The following SNX5 variants were observed in gnomAD, a reference collection of about 807,000 sequenced individuals.
SNX5 encodes the protein sorting nexin 5, also known as sorting nexin-5.
SNX5 carries 31 observed loss-of-function variants against 53.9 expected under a neutral mutation model. The observed-to-expected ratio is 0.58, with a 90% CI of 0.43 to 0.78. The LOEUF (loss-of-function observed/expected upper bound fraction) is 0.78, where lower values mean the gene tolerates loss of function less well. SNX5 is among the 30% of genes least tolerant of loss of function. The probability of loss-of-function intolerance (pLI) is 0.00; values close to 1 mark genes in which losing one functional copy is unlikely to be tolerated. For synonymous variants in SNX5, 168 were observed against 171.1 expected, an observed-to-expected ratio of 0.98 and a Z score of 0.14; for missense variants, 471 against 478.8, an observed-to-expected ratio of 0.98 and a Z score of 0.15.
chr20:17,944,275 G>C (rs1248014654), intron 11 of SNX5: 1 of 152,046 alleles, frequency 6.6e-6, no homozygotes. Context: ...GCACAACAGG[G>C]TGACTACAGT....
chr20:17,967,170 T>C (rs528430878), intron 1 of SNX5, among the ~76,000 whole-genome samples: 2 of 152,260 alleles, frequency 1.3e-5, no homozygotes, highest in African/African-American at 4.8e-5. Flanking sequence ...TCCTTTTACC[T>C]AGCTGACTCC....
chr20:17,962,171 C>A, intron 1 of SNX5: 1 of 163,674 alleles, frequency 6.1e-6, no homozygotes, highest in Non-Finnish European at 1.3e-5. Context: ...ACTGGTTCAA[C>A]TAACTATAAG....
Position 17,955,445 on chromosome 20 carries a change from ACT to A in SNX5, c.185_186del (p.Glu62ValfsTer8), listed in dbSNP as rs2035336935. Reference protein sequence around the residue: ...KTTLPTFQSPEFSVTRQHEDF... With the variant: ...KTTLPTFQSPXFSVTRQHEDF... ...TCTTCATGTTGCCTTGTAACAGAAA[ACT>A]CTGGGCTCTGAAACGTGGGCAGTGT... On this transcript the variant is annotated frameshift_variant, in exon 3 of 13. Coordinates refer to ENST00000377759, the MANE Select transcript of SNX5 (RefSeq NM_014426.4). LOFTEE classifies it high-confidence loss of function. The A allele has an allele frequency of 6.2e-7, 1 of 1,613,940 alleles. No individual in the cohort carries two copies. Among genetic ancestry groups the A allele is most frequent in the Admixed American group, 1.7e-5 (1 of 59,992 alleles).
chr20:17,967,555 A>G (rs1224586355), intron 1 of SNX5: 1 of 152,302 alleles, frequency 6.6e-6, no homozygotes, highest in Admixed American at 6.5e-5. Flanking sequence ...AGAGCCTTGT[A>G]TTTTTAGAGG....
At chr20:17,966,967 A>T (rs2035548570) in intron 1 of SNX5, among the ~76,000 whole-genome samples, 1 of 152,230 alleles carries the variant, frequency 6.6e-6, no homozygotes, top group Admixed American at 6.5e-5. Flanking sequence ...TATTCCTGTA[A>T]TGTAAAAAGG....
At chr20:17,954,224 C>T in intron 3 of SNX5, 107 bp from the exon 4 acceptor site, 1 of 1,510,132 alleles carries the variant, frequency 6.6e-7, no homozygotes. Context: ...CACTCCACTC[C>T]TGTGGGGCTA....
rs1398357545 is a variant in SNX5 at position 17,966,242 on chromosome 20, G to A, written c.51+2133C>T. 2.6e-5 allele frequency among the ~76,000 whole-genome samples: 4 copies of A among 152,176 alleles called. No individual in the cohort carries two copies. In the East Asian group the frequency reaches 7.7e-4, roughly 29 times the overall value. ...CTCCACAAAAATACAAAAATTAGCCGGGCATGGCGGTGAGCGACTGTAATC... is the reference window on the plus strand; with the variant it reads ...CTCCACAAAAATACAAAAATTAGCCAGGCATGGCGGTGAGCGACTGTAATC... On this transcript the variant is annotated intron_variant, in intron 1 of 12. Coordinates refer to ENST00000377759, the MANE Select transcript of SNX5 (RefSeq NM_014426.4).
At chr20:17,942,532 T>C (rs946833062) in intron 12 of SNX5, 125 bp from the exon 13 acceptor site, 1 of 736,860 alleles carries the variant, frequency 1.4e-6, no homozygotes, top group Non-Finnish European at 2.5e-6. Flanking sequence ...AAGCTGGCCC[T>C]TCTCTTCATC....
chr20:17,964,528 C>A (rs2035507343), intron 1 of SNX5, among the ~76,000 whole-genome samples: 1 of 151,960 alleles, frequency 6.6e-6, no homozygotes, highest in Non-Finnish European at 1.5e-5. Context: ...GAGATCTTGT[C>A]AGAGTACCTC....
In SNX5 at chr20:17,968,518, G is replaced by C. The variant is rs544225493; in HGVS notation, c.-93C>G. 8.5e-7 allele frequency: 1 copy of C among 1,180,350 alleles called. No homozygotes were observed. The highest frequency in any genetic ancestry group is 1.6e-5 in the African/African-American group (1 of 62,334). 73.1% of individuals were successfully genotyped at this position (1,180,350 alleles called of 1,614,324 possible). ...CGCCGCCTGGGCGCCTCTCGGGGGC[G>C]GCCACGGCCCCGCCTCCGCCGGCCT... On this transcript the variant is annotated 5_prime_UTR_variant, in exon 1 of 13. Coordinates refer to ENST00000377759, the MANE Select transcript of SNX5 (RefSeq NM_014426.4).
chr20:17,953,703 T>C (rs2035305182), intron 4 of SNX5, among the ~76,000 whole-genome samples: 1 of 152,218 alleles, frequency 6.6e-6, no homozygotes, highest in Non-Finnish European at 1.5e-5. Context: ...CAAAAGTTTA[T>C]TTCCTCACTG....
chr20:17,967,447 C>G (rs1375785828), intron 1 of SNX5, among the ~76,000 whole-genome samples: 2 of 152,122 alleles, frequency 1.3e-5, no homozygotes, highest in African/African-American at 2.4e-5. Flanking sequence ...CTTTGAAACT[C>G]TGGTATTTAC....
At chr20:17,964,534 A>C (rs1600357265) in intron 1 of SNX5, among the ~76,000 whole-genome samples, 1 of 152,138 alleles carries the variant, frequency 6.6e-6, no homozygotes, top group Non-Finnish European at 1.5e-5. Flanking sequence ...TTGTCAGAGT[A>C]CCTCAATGGC....
chr20:17,958,605 C>A (rs6080916), intron 1 of SNX5, among the ~76,000 whole-genome samples: 10 of 152,048 alleles, frequency 6.6e-5, no homozygotes, highest in Admixed American at 2.0e-4. Context: ...ACATCTCAAC[C>A]TAAGTATTTT....
intron 1 of SNX5, among the ~76,000 whole-genome samples, chr20:17,965,965 A>G (rs532049412): frequency 6.6e-6 from 1 of 151,244 alleles, no homozygotes; most frequent in South Asian, 2.1e-4. Context: ...ATTCTAGCTA[A>G]TGGAGAACAA....
intron 1 of SNX5, among the ~76,000 whole-genome samples, chr20:17,966,914 T>A (rs1265424261): frequency 6.6e-6 from 1 of 152,124 alleles, no homozygotes; most frequent in Non-Finnish European, 1.5e-5. Flanking sequence ...AAAACAAAAA[T>A]AAAGCCACGC....
intron 1 of SNX5, chr20:17,961,948 CTA>C (rs1251808887): frequency 1.7e-5 from 17 of 981,010 alleles, no homozygotes; most frequent in African/African-American, 7.0e-5. Flanking sequence ...CTGTCACACT[CTA>C]GATTTGTATT....
rs1009509093 is a variant in SNX5, at chr20:17,968,603, G to A, written c.-178C>T. 122 of 634,362 alleles carry A rather than the reference G, an allele frequency of 1.9e-4. No homozygotes were observed. In the African/African-American group the frequency reaches 2.1e-3, roughly 11 times the overall value. The allele number at this position is 634,362 out of a possible 1,614,324, so 39.3% of individuals were successfully genotyped here. ...CGCCACCATCCCAGCTGCCCCGGGAGCAGGCGAGCAGGGCGCCACGTGCTC... is the reference window on the plus strand; with the variant it reads ...CGCCACCATCCCAGCTGCCCCGGGAACAGGCGAGCAGGGCGCCACGTGCTC... On this transcript the variant is annotated 5_prime_UTR_variant, in exon 1 of 13. Transcript: ENST00000377759.
At chr20:17,944,345 TGTTA>T (rs1389933927) in intron 11 of SNX5, 1 of 152,064 alleles carries the variant, frequency 6.6e-6, no homozygotes, top group Non-Finnish European at 1.5e-5. Context: ...AAATGAAAGA[TGTTA>T]ATTAGCTTGA....
Sources: gnomAD v4.1 joint callset for allele counts (sites outside exome capture counted in the v4.1 genomes callset) on GRCh38, gnomAD v4.1.1 for gene constraint, MANE v1.5 for transcripts, NCBI Gene and HGNC (gene_info 2026-07-23, HGNC 2026-07-21) for gene names.